HTR2C: variants seen among roughly 807,000 people sequenced by gnomAD.
The protein encoded by HTR2C is 5-hydroxytryptamine receptor 2C, also known as 5-hydroxytryptamine (serotonin) receptor 2C, G protein-coupled.
HTR2C carries 5 observed loss-of-function variants against 21.0 expected under a neutral mutation model. The observed-to-expected ratio is 0.24, with a 90% confidence interval of 0.12 to 0.50. The LOEUF (loss-of-function observed/expected upper bound fraction) is 0.50. Among genes scored for constraint, HTR2C ranks in the 20% least tolerant of loss-of-function variants. The pLI is 0.98. For synonymous variants in HTR2C, 150 were observed against 145.3 expected, an observed-to-expected ratio of 1.03 and a Z score of -0.23; for missense variants, 271 against 371.2, an observed-to-expected ratio of 0.73 and a Z score of 2.22.
At chrX:114,840,971 C>T (rs942128902) in intron 4 of HTR2C, among the ~76,000 whole-genome samples, 1 of 111,434 alleles carries the variant, frequency 9.0e-6, no homozygotes, top group South Asian at 3.8e-4. Context: ...TTGATCGCTG[C>T]TTCATTATTA....
At chrX:114,805,406 C>T (rs202107605) in intron 4 of HTR2C, among the ~76,000 whole-genome samples, 47 of 84,239 alleles carry the variant, frequency 5.6e-4, no homozygotes, top group East Asian at 1.2e-3. Flanking sequence ...GTCTCCACCC[C>T]TTTTTTTTTT....
At chrX:114,691,840 G>A (rs1395462116) in intron 2 of HTR2C, among the ~76,000 whole-genome samples, 4 of 111,485 alleles carry the variant, frequency 3.6e-5, no homozygotes, top group East Asian at 2.8e-4. Context: ...AAAAAATAAC[G>A]TCTATATATC....
intron 4 of HTR2C, among the ~76,000 whole-genome samples, chrX:114,744,163 A>C (rs2069678299): frequency 9.0e-6 from 1 of 110,642 alleles, no homozygotes; most frequent in South Asian, 3.8e-4. Context: ...TGTACATTTT[A>C]AATATATATA....
intron 5 of HTR2C, among the ~76,000 whole-genome samples, chrX:114,878,276 A>G (rs909097870): frequency 1.8e-5 from 2 of 110,672 alleles, no homozygotes; most frequent in Admixed American, 9.6e-5. Flanking sequence ...ATAAAATAGT[A>G]CAGAGTCCCT....
intron 1 of HTR2C, among the ~76,000 whole-genome samples, chrX:114,605,301 G>T (rs1239906076): frequency 9.0e-6 from 1 of 111,203 alleles, no homozygotes; most frequent in Non-Finnish European, 1.9e-5. Context: ...AGATTATAGG[G>T]TGGAGGAGCA....
chrX:114,712,779 C>T (rs1932910472), intron 2 of HTR2C, among the ~76,000 whole-genome samples: 1 of 111,620 alleles, frequency 9.0e-6, no homozygotes, highest in Non-Finnish European at 1.9e-5. Context: ...TACCCAAAGA[C>T]CATTGTTCTC....
At chrX:114,590,726 T>C (rs1422463789) in intron 1 of HTR2C, among the ~76,000 whole-genome samples, 1 of 112,041 alleles carries the variant, frequency 8.9e-6, no homozygotes, top group Non-Finnish European at 1.9e-5. Context: ...AAAAATATTA[T>C]AAATCTTCTT....
At chrX:114,779,063 A>G (rs2070089079) in intron 4 of HTR2C, among the ~76,000 whole-genome samples, 1 of 111,841 alleles carries the variant, frequency 8.9e-6, no homozygotes, top group South Asian at 3.7e-4. Flanking sequence ...ATTTTAGAAG[A>G]TATTTGGCAA....
intron 2 of HTR2C, among the ~76,000 whole-genome samples, chrX:114,704,837 C>T (rs1932716184): frequency 9.3e-6 from 1 of 107,854 alleles, no homozygotes; most frequent in Non-Finnish European, 1.9e-5. Context: ...TCTCCTTAAG[C>T]TGATAAGCAA....
At chrX:114,805,954 CCATATATATACCATATATATACACCAT>C in intron 4 of HTR2C, among the ~76,000 whole-genome samples, 1 of 65,903 alleles carries the variant, frequency 1.5e-5, no homozygotes, top group East Asian at 5.9e-4. Context: ...TATATATACA[CCATATATATACCATATATATACACCAT>C]ATATATACAC....
rs141229174 is a variant in HTR2C, at chrX:114,793,996, C to T, written c.350-54007C>T. 4.3e-4 allele frequency among the ~76,000 whole-genome samples: 48 copies of T among 110,741 alleles called. No homozygotes were observed. The East Asian group carries it at 0.011, about 27-fold the overall frequency. On this transcript the variant is annotated intron_variant, in intron 4 of 5. Transcript: ENST00000276198. ...TCAGAGAGAGAGAGAGAAGTATGTACAGTGTTTTGTTAGTGATGCCTGTAC... is the reference window on the plus strand; with the variant it reads ...TCAGAGAGAGAGAGAGAAGTATGTATAGTGTTTTGTTAGTGATGCCTGTAC...
chrX:114,589,619 CAT>C (rs781857784), intron 1 of HTR2C: 97 of 176,085 alleles, frequency 5.5e-4, no homozygotes, highest in African/African-American at 2.7e-3. Context: ...CTCCCGAAAA[CAT>C]GGTGAATGTT....
rs781819583 is a variant in HTR2C, at chrX:114,723,313, G to A, written c.-79-3545G>A. Among the ~76,000 whole-genome samples the A allele has an allele frequency of 2.3e-4, 26 of 111,486 alleles. No individual in the cohort carries two copies. The East Asian group carries it at 5.9e-3, about 25-fold the overall frequency. On this transcript the variant is annotated intron_variant, in intron 2 of 5. Coordinates refer to ENST00000276198, the MANE Select transcript of HTR2C (RefSeq NM_000868.4). ...CTAGTTTATTTGCATAGAGGTGTTT[G>A]TAGTATTCTCTGATGGTAGTTTGTA...
At chrX:114,753,104 TC>T (rs2069777500) in intron 4 of HTR2C, among the ~76,000 whole-genome samples, 1 of 38,485 alleles carries the variant, frequency 2.6e-5, no homozygotes, top group Non-Finnish European at 6.4e-5. Flanking sequence ...TCTAGTGACT[TC>T]CCTGTGGTTT....
chrX:114,680,939 T>C (rs1280551120), intron 2 of HTR2C, among the ~76,000 whole-genome samples: 1 of 111,489 alleles, frequency 9.0e-6, no homozygotes, highest in Non-Finnish European at 1.9e-5. Context: ...CCTAACACTT[T>C]CCACAGAAAA....
At chrX:114,801,153 G>A (rs1420287615) in intron 4 of HTR2C, among the ~76,000 whole-genome samples, 1 of 110,874 alleles carries the variant, frequency 9.0e-6, no homozygotes, top group Non-Finnish European at 1.9e-5. Flanking sequence ...TTTTTCCTCT[G>A]GCTTTTCTAT....
chrX:114,787,298 G>C (rs1205684935), intron 4 of HTR2C, among the ~76,000 whole-genome samples: 2 of 111,909 alleles, frequency 1.8e-5, no homozygotes, highest in Non-Finnish European at 3.8e-5. Flanking sequence ...GCATCAGTTT[G>C]CATGCAATAA....
chrX:114,701,426 A>G (rs1447877411), intron 2 of HTR2C, among the ~76,000 whole-genome samples: 32 of 111,829 alleles, frequency 2.9e-4, no homozygotes, highest in African/African-American at 9.8e-4. Flanking sequence ...TTCTGCAGCC[A>G]CTGCTGCTGA....
rs782416114 is a variant in HTR2C at position 114,660,044 on chromosome X, AT to A, written c.-80+46164del. Among the ~76,000 whole-genome samples, 18 of 112,262 alleles carry A rather than the reference AT, an allele frequency of 1.6e-4. 1 individual carries two copies. The South Asian group carries it at 5.1e-3, about 32-fold the overall frequency. On this transcript the variant is annotated intron_variant, in intron 2 of 5. Coordinates refer to ENST00000276198, the MANE Select transcript of HTR2C (RefSeq NM_000868.4). ...TATGATGAATTTGGATGTTATATAG[AT>A]AAGAAGTGAATTTACACATGTAGTA...
Sources: gnomAD v4.1 joint callset for allele counts (sites outside exome capture counted in the v4.1 genomes callset) on GRCh38, gnomAD v4.1.1 for gene constraint, MANE v1.5 for transcripts, NCBI Gene and HGNC (gene_info 2026-07-23, HGNC 2026-07-21) for gene names.